Variants in MKI67 observed in about 807,000 individuals in gnomAD.
The protein encoded by MKI67 is proliferation marker protein Ki-67.
Under a neutral mutation model 233.5 loss-of-function variants are expected in MKI67, and 152 were observed. That is an observed-to-expected ratio of 0.65 (90% CI 0.57 to 0.74). The LOEUF (loss-of-function observed/expected upper bound fraction) is 0.74. Ranked by LOEUF, MKI67 falls within the 30% of genes least tolerant of loss-of-function variation. MKI67 has a pLI of 0.00. For synonymous variants in MKI67, 1,465 were observed against 1,418.5 expected, an observed-to-expected ratio of 1.03 and a Z score of -0.74; for missense variants, 3,940 against 3,885.2, an observed-to-expected ratio of 1.01 and a Z score of -0.37.
At chr10:128,117,444 G>A (rs1399416468) in intron 5 of MKI67, among the ~76,000 whole-genome samples, 1 of 152,240 alleles carries the variant, frequency 6.6e-6, no homozygotes, top group Non-Finnish European at 1.5e-5. Context: ...CCCCCACCTG[G>A]CTCCCCAGAG....
chr10:128,107,854 C>T lies in MKI67; in HGVS notation c.3986G>A (p.Ser1329Asn), dbSNP rs764078381. ...KLDLTENLTGSKRRPQTPKEE... is the reference protein window; with the variant it reads ...KLDLTENLTGNKRRPQTPKEE... ...CTTAGGAGTTTGTGGCCGTCTCTTG[C>T]TGCCGGTTAAGTTCTCTGTCAGGTC... The change falls in exon 13 of 15, where the codon AGC (serine) becomes AAC (asparagine). Residue 1329 changes from serine (S) to asparagine (N), a missense_variant. Physicochemically the swap from Ser to Asn is conservative, Grantham distance 46. Coordinates refer to ENST00000368654, the MANE Select transcript of MKI67 (RefSeq NM_002417.5). 1 of 1,612,842 alleles carries T rather than the reference C, an allele frequency of 6.2e-7. No homozygotes were observed. The highest frequency in any genetic ancestry group is 1.3e-5 in the African/African-American group (1 of 74,458).
In MKI67 at chr10:128,107,187, G is replaced by C. The variant is rs1852522850; in HGVS notation, c.4653C>G (p.Ile1551Met). 8 of 1,613,972 alleles carry C rather than the reference G, an allele frequency of 5.0e-6. No individual in the cohort carries two copies. The highest frequency in any genetic ancestry group is 1.1e-5 in the South Asian group (1 of 91,080). The stretch of plus-strand genomic sequence containing the variant: ...GCACTGGAGTTCCCATAAATGCGTA[G>C]ATGTTTTTCTCACCACTTACTGCTG... ...PKPAVSGEKNIYAFMGTPVQK... is the reference protein window; with the variant it reads ...PKPAVSGEKNMYAFMGTPVQK... Residue 1551 changes from isoleucine to methionine, a missense_variant, in exon 13 of 15, where the codon ATC (isoleucine) becomes ATG (methionine). Physicochemically the swap from Ile to Met is conservative, Grantham distance 10. Coordinates refer to ENST00000368654, the MANE Select transcript of MKI67 (RefSeq NM_002417.5).
Position 128,107,388 on chromosome 10 carries a change from C to A in MKI67, c.4452G>T (p.Thr1484=), listed in dbSNP as rs780823234. 11 of 1,613,504 alleles carry A rather than the reference C, an allele frequency of 6.8e-6. No individual in the cohort carries two copies. The African/African-American group carries it at 1.5e-4, about 22-fold the overall frequency. The change falls in exon 13 of 15, where the codon ACG becomes ACT. Residue 1484 remains threonine (T), a synonymous_variant. Coordinates refer to ENST00000368654, the MANE Select transcript of MKI67 (RefSeq NM_002417.5). ...CTATTTTGGTAGTTTTCTCGTGAGT[C>A]GTGGGCTTGTCAGTGCATACTGGTG... ...FQTPVCTDKP[T]THEKTTKIAC... is the part of the protein sequence containing the mutation.
chr10:128,109,044 A>G lies in MKI67; in HGVS notation c.2796T>C (p.Tyr932=), dbSNP rs1342724323. The change falls in exon 13 of 15, where the codon TAT becomes TAC. Residue 932 remains tyrosine, a synonymous_variant. Coordinates refer to ENST00000368654, the MANE Select transcript of MKI67 (RefSeq NM_002417.5). ...TTTCTTTTAATTCAATATTTTCCTTATATGTCTCAAAAGGTCTTTCTATTT... is the reference window on the plus strand; with the variant it reads ...TTTCTTTTAATTCAATATTTTCCTTGTATGTCTCAAAAGGTCTTTCTATTT... ...MKEIERPFET[Y]KENIELKEND... The G allele has an allele frequency of 1.2e-6, 2 of 1,613,770 alleles. No homozygotes were observed. Among genetic ancestry groups the G allele is most frequent in the African/African-American group, 1.3e-5 (1 of 74,842 alleles).
At chr10:128,114,703 T>C (rs950329206) in intron 7 of MKI67, among the ~76,000 whole-genome samples, 2 of 152,218 alleles carry the variant, frequency 1.3e-5, no homozygotes, top group South Asian at 4.1e-4. Context: ...TGCTTCATGA[T>C]TGCCTGACAA....
chr10:128,104,406 G>A lies in MKI67; in HGVS notation c.7434C>T (p.Ser2478=). ...QPESFKTSRS[S]KQRLKIPLVK... is the part of the protein sequence containing the mutation. ...CCAGGGGTATCTTGAGCCTTTGCTT[G>A]GAGCTTCTTGAGGTTTTGAATGACT... The change falls in exon 13 of 15, where the codon TCC becomes TCT. Residue 2478 remains serine, a synonymous_variant. Coordinates refer to ENST00000368654, the MANE Select transcript of MKI67 (RefSeq NM_002417.5). 6.2e-7 allele frequency: 1 copy of A among 1,613,966 alleles called. No homozygotes were observed. The highest frequency in any genetic ancestry group is 1.1e-5 in the South Asian group (1 of 91,074).
At position 128,101,685 on chromosome 10, in the gene MKI67, G is replaced by A. The variant is rs1434635777; in HGVS notation, c.9278C>T (p.Ser3093Phe). ...VPENKGISLRSRRQNKTEAEQ... is the reference protein window; with the variant it reads ...VPENKGISLRFRRQNKTEAEQ... Reference sequence around the variant, plus strand: ...TGCCTCAGTCTTATTTTGGCGTCTGGAGCGCAGGGATATTCCCTAAAGAAA... The same window carrying A: ...TGCCTCAGTCTTATTTTGGCGTCTGAAGCGCAGGGATATTCCCTAAAGAAA... Residue 3093 changes from serine to phenylalanine, a missense_variant, in exon 14 of 15, where the codon TCC (serine) becomes TTC (phenylalanine). Transcript: ENST00000368654. 2 of 1,596,734 alleles carry A rather than the reference G, an allele frequency of 1.3e-6. No homozygotes were observed. Among genetic ancestry groups the A allele is most frequent in the Non-Finnish European group, 1.7e-6 (2 of 1,173,576 alleles).
Position 128,102,758 on chromosome 10 carries a change from T to G in MKI67, c.9082A>C (p.Ser3028Arg), listed in dbSNP as rs752339993. The G allele has an allele frequency of 2.4e-5, 39 of 1,614,158 alleles. No homozygotes were observed. In the South Asian group the frequency reaches 2.7e-4, roughly 11 times the overall value. ...CTGGGAGCAACCCTCTGCTTCTTGC[T>G]GGCTGGCAGCTCCTCCACAATTTCC... ...PEEIVEELPASKKQRVAPRAR... is the reference protein window; with the variant it reads ...PEEIVEELPARKKQRVAPRAR... The change falls in exon 13 of 15, where the codon AGC becomes CGC. Residue 3028 changes from serine (S) to arginine (R), a missense_variant. Coordinates refer to ENST00000368654, the MANE Select transcript of MKI67 (RefSeq NM_002417.5).
chr10:128,099,721 G>T lies in MKI67; in HGVS notation c.9706-466C>A, dbSNP rs116062609. Among the ~76,000 whole-genome samples, 1,100 of 152,300 alleles carry T rather than the reference G, an allele frequency of 7.2e-3. 17 individuals carry two copies. Among genetic ancestry groups the T allele is most frequent in the African/African-American group, 0.025 (1,027 of 41,558 alleles). On this transcript the variant is annotated intron_variant, in intron 14 of 14. Transcript: ENST00000368654. ...CAGTAGTTCTCACCCCTTGGCTAAG[G>T]GAGAGGAACCATGGTGAAAAGCATG...
In MKI67 at chr10:128,115,414, C is replaced by A. The variant is rs1852779342; in HGVS notation, c.994G>T (p.Ala332Ser). The change falls in exon 7 of 15, where the codon GCT becomes TCT. Residue 332 changes from alanine to serine, a missense_variant. By Grantham distance (99) the Ala-to-Ser change is moderately conservative (BLOSUM62 1). Coordinates refer to ENST00000368654, the MANE Select transcript of MKI67 (RefSeq NM_002417.5). ...TAGAGAGGAAAGCTGGCGCCCACAG[C>A]CTTGCTGGGAGTCTGAACAGACTCC... ...DVESVQTPSK[A>S]VGASFPLYEP... 2 of 1,613,996 alleles carry A rather than the reference C, an allele frequency of 1.2e-6. No individual in the cohort carries two copies. Among genetic ancestry groups the A allele is most frequent in the African/African-American group, 2.7e-5 (2 of 74,924 alleles).
Position 128,102,956 on chromosome 10 carries a change from C to G in MKI67, c.8884G>C (p.Val2962Leu), listed in dbSNP as rs1469602308. Reference sequence around the variant, plus strand: ...GGTTCTACTTTAGGGGCCCGAAGAACTCTTCTGGATATTTTTAGAGGTTTT... The same window carrying G: ...GGTTCTACTTTAGGGGCCCGAAGAAGTCTTCTGGATATTTTTAGAGGTTTT... ...SGKPLKISRR[V>L]LRAPKVEPVG... Residue 2962 changes from valine (V) to leucine (L), a missense_variant, in exon 13 of 15, where the codon GTT becomes CTT. By Grantham distance (32) the Val-to-Leu change is conservative (BLOSUM62 1). Coordinates refer to ENST00000368654, the MANE Select transcript of MKI67 (RefSeq NM_002417.5). 6.2e-7 allele frequency: 1 copy of G among 1,614,218 alleles called. No individual in the cohort carries two copies. The highest frequency in any genetic ancestry group is 8.5e-7 in the Non-Finnish European group (1 of 1,180,040).
At position 128,105,467 on chromosome 10, in the gene MKI67, A is replaced by G. The variant is rs566333973; in HGVS notation, c.6373T>C (p.Leu2125=). 71 of 1,612,532 alleles carry G rather than the reference A, an allele frequency of 4.4e-5. No individual in the cohort carries two copies. The highest frequency in any genetic ancestry group is 9.4e-5 in the African/African-American group (7 of 74,234). ...TSTRRRPKTP[L]GKRDIVEELS... The stretch of plus-strand genomic sequence containing the variant: ...TCTTCCACTATATCCCTTTTCCCCA[A>G]AGGTGTTTTGGGCCGCCTCCTTGTG... Residue 2125 remains leucine, a synonymous_variant, in exon 13 of 15, where the codon TTG becomes CTG. Transcript: ENST00000368654.
In MKI67 at chr10:128,102,664, AT is replaced by A; in HGVS notation, c.9175del (p.Ile3059LeufsTer7). 1 of 1,614,122 alleles carries A rather than the reference AT, an allele frequency of 6.2e-7. No individual in the cohort carries two copies. Among genetic ancestry groups the A allele is most frequent in the Middle Eastern group, 1.6e-4 (1 of 6,062 alleles). On this transcript the variant is annotated frameshift_variant, in exon 13 of 15. Transcript: ENST00000368654. LOFTEE classifies it high-confidence loss of function. Reference sequence around the variant, plus strand: ...GCTGTTCAGCTCTTCCGCAGGTTCAATTCTTTTTGCAGAAGTCCTCAAACTT... The same window carrying A: ...GCTGTTCAGCTCTTCCGCAGGTTCAATCTTTTTGCAGAAGTCCTCAAACTT... ...KRSLRTSAKR[I>X]EPAEELNSND...
chr10:128,113,962 C>G (rs1852737488), intron 7 of MKI67, among the ~76,000 whole-genome samples: 5 of 152,152 alleles, frequency 3.3e-5, no homozygotes, highest in Admixed American at 2.6e-4. Flanking sequence ...TCAGCCTGAG[C>G]CACCCAGTGA....
Position 128,112,377 on chromosome 10 carries a change from G to A in MKI67, c.1725C>T (p.Ser575=), listed in dbSNP as rs578128237. The A allele has an allele frequency of 1.1e-5, 18 of 1,614,156 alleles. No individual in the cohort carries two copies. In the East Asian group the frequency reaches 2.9e-4, roughly 26 times the overall value. The change falls in exon 9 of 15, where the codon AGC becomes AGT. Residue 575 remains serine (S), a synonymous_variant. Transcript: ENST00000368654. ...TAGGAGCTGGAGGGCTTATAACCAA[G>A]CTTTGTGCCTTCACTTCCACATGGA... ...SEIHVEVKAQ[S]LVISPPAPSP...
At chr10:128,100,818 C>T (rs1852320645) in intron 14 of MKI67, among the ~76,000 whole-genome samples, 3 of 152,334 alleles carry the variant, frequency 2.0e-5, no homozygotes, top group Middle Eastern at 3.4e-3. Context: ...AGGGACATCC[C>T]AACTTCTGTT....
Position 128,101,594 on chromosome 10 carries a change from C to G in MKI67, c.9369G>C (p.Lys3123Asn). ...CCATCTCTGGGGAGGTCTTCATGGGCTTCTTTTCATTTCTGTTTATTTCTA... is the reference window on the plus strand; with the variant it reads ...CCATCTCTGGGGAGGTCTTCATGGGGTTCTTTTCATTTCTGTTTATTTCTA... ...ERIEINRNEK[K>N]PMKTSPEMDI... The change falls in exon 14 of 15, where the codon AAG becomes AAC. Residue 3123 changes from lysine to asparagine, a missense_variant. By Grantham distance (94) the Lys-to-Asn change is moderately conservative. Coordinates refer to ENST00000368654, the MANE Select transcript of MKI67 (RefSeq NM_002417.5). The G allele has an allele frequency of 6.2e-7, 1 of 1,614,160 alleles. No individual in the cohort carries two copies. Among genetic ancestry groups the G allele is most frequent in the Non-Finnish European group, 8.5e-7 (1 of 1,180,030 alleles).
chr10:128,125,767 G>C lies in MKI67; in HGVS notation c.-89-11C>G. On this transcript the variant is annotated splice_polypyrimidine_tract_variant and intron_variant, in intron 1 of 14. Transcript: ENST00000368654. This position sits in a 1 kb window ranked among gnomAD's most constrained non-coding sequence, Gnocchi z 5.3. ...TTTACAACTCTTCCACTGCAAAAGA[G>C]GTGCGAGTTACTCTGATAGCAAAGG... 1.0e-6 allele frequency: 1 copy of C among 981,570 alleles called. No homozygotes were observed. Among genetic ancestry groups the C allele is most frequent in the Non-Finnish European group, 1.6e-6 (1 of 613,630 alleles). 60.8% of individuals were successfully genotyped at this position (981,570 alleles called of 1,614,324 possible). A position where few individuals can be genotyped will look rare whatever the true frequency, so the allele number is the denominator to read the frequency against.
intron 2 of MKI67, among the ~76,000 whole-genome samples, chr10:128,123,998 C>A (rs777097981): frequency 6.6e-6 from 1 of 152,220 alleles, no homozygotes; most frequent in Admixed American, 6.5e-5. Context: ...AATGGCCTGT[C>A]TGTTCTCCAT....
Sources: allele counts gnomAD v4.1 joint callset (sites outside exome capture counted in the v4.1 genomes callset), GRCh38; gene constraint gnomAD v4.1.1; non-coding constraint Gnocchi (gnomAD v3.1); transcripts MANE v1.5; gene names NCBI Gene and HGNC (gene_info 2026-07-23, HGNC 2026-07-21).